Variants in WASHC4 observed in about 807,000 individuals in gnomAD.
WASHC4 encodes the protein WASH complex subunit 4.
In WASHC4, 86 loss-of-function variants were observed where a neutral mutation model predicts 166.6. The observed-to-expected ratio is 0.52, with a 90% CI of 0.43 to 0.62. WASHC4 has a LOEUF of 0.62. WASHC4 is among the 20% of genes least tolerant of loss of function. WASHC4 has a pLI of 0.00. For missense variants in WASHC4, 1,262 were observed against 1,382.4 expected, an observed-to-expected ratio of 0.91 and a Z score of 1.38; for synonymous variants, 446 against 451.6, an observed-to-expected ratio of 0.99 and a Z score of 0.16.
At chr12:105,157,174 ATC>A (rs1247916042) in intron 27 of WASHC4, 60 bp from the exon 28 acceptor site, 4 of 845,366 alleles carry the variant, frequency 4.7e-6, no homozygotes, top group Admixed American at 3.5e-5. Flanking sequence ...CCACTTTTAT[ATC>A]TGTGTCAATT....
chr12:105,111,281 TA>T lies in WASHC4; in HGVS notation c.201+22del. On this transcript the variant is annotated intron_variant, in intron 2 of 32. Transcript: ENST00000332180. ...GCATTAAAGGTTTGATTTGATTTTT[TA>T]AAAATATATGTATATATTTTCTGGA... 1 of 1,523,518 alleles carries T rather than the reference TA, an allele frequency of 6.6e-7. No homozygotes were observed. Among genetic ancestry groups the T allele is most frequent in the East Asian group, 2.3e-5 (1 of 43,796 alleles). The allele number at this position is 1,523,518 out of a possible 1,614,324, so 94.4% of individuals were successfully genotyped here.
chr12:105,130,079 A>G (rs548873796), intron 13 of WASHC4, among the ~76,000 whole-genome samples: 12 of 152,348 alleles, frequency 7.9e-5, no homozygotes, highest in African/African-American at 2.6e-4. Flanking sequence ...AACCCTACAG[A>G]GATTAAACTT....
chr12:105,160,774 T>A (rs1167400529), intron 29 of WASHC4, among the ~76,000 whole-genome samples: 1 of 152,238 alleles, frequency 6.6e-6, no homozygotes, highest in East Asian at 1.9e-4. Context: ...TTTAAGTGCT[T>A]AATGTAGAAT....
At chr12:105,149,406 A>T (rs138471012) in intron 24 of WASHC4, 37,727 of 1,075,854 alleles carry the variant, frequency 0.035, 803 homozygotes, top group Non-Finnish European at 0.039. Context: ...TAGTAAAAAT[A>T]TGTAAGAGGA....
intron 26 of WASHC4, 24 bp downstream of exon 26, chr12:105,152,475 G>A: frequency 1.6e-6 from 2 of 1,257,730 alleles, no homozygotes; most frequent in Non-Finnish European, 2.3e-6. Flanking sequence ...AAAGTGTTGG[G>A]AAATCAGGTA....
chr12:105,142,359 A>G, intron 18 of WASHC4, 94 bp from the exon 19 acceptor site: 1 of 768,556 alleles, frequency 1.3e-6, no homozygotes. Flanking sequence ...ACTGTGTAAG[A>G]TGGAACTCTT....
At chr12:105,128,570 G>A (rs1182621005) in intron 13 of WASHC4, among the ~76,000 whole-genome samples, 2 of 152,154 alleles carry the variant, frequency 1.3e-5, no homozygotes, top group African/African-American at 2.4e-5. Flanking sequence ...TCCAATACTG[G>A]AAACTTTTTG....
rs1880833855 is a variant in WASHC4 at position 105,122,293 on chromosome 12, T to C, written c.786+55T>C. 10 of 1,571,604 alleles carry C rather than the reference T, an allele frequency of 6.4e-6. No homozygotes were observed. The East Asian group carries it at 1.8e-4, about 28-fold the overall frequency. ...TGGGGCTCATATTAGACGACAAAGCTCAGAATTATAGTAGGACACTTTTAT... is the reference window on the plus strand; with the variant it reads ...TGGGGCTCATATTAGACGACAAAGCCCAGAATTATAGTAGGACACTTTTAT... On this transcript the variant is annotated intron_variant, in intron 10 of 32. Transcript: ENST00000332180.
chr12:105,163,682 T>G (rs1292084610), intron 30 of WASHC4, among the ~76,000 whole-genome samples: 6 of 152,008 alleles, frequency 3.9e-5, no homozygotes. Flanking sequence ...AAAAAATTTT[T>G]GTTTTTTTTA....
chr12:105,159,772 A>G (rs1309109762), intron 28 of WASHC4, among the ~76,000 whole-genome samples: 1 of 152,242 alleles, frequency 6.6e-6, no homozygotes, highest in East Asian at 1.9e-4. Context: ...TATTATTTTA[A>G]GTCCCAAGAT....
chr12:105,141,124 C>A, intron 17 of WASHC4, 43 bp from the exon 18 acceptor site: 1 of 1,609,392 alleles, frequency 6.2e-7, no homozygotes, highest in South Asian at 1.1e-5. Flanking sequence ...CCCTAGAAAC[C>A]TTTGACTGCA....
chr12:105,167,950 AGC>A lies in WASHC4; in HGVS notation c.*1020_*1021del, dbSNP rs1566035820. ...TTTTGAGTAAATTTTGTGCCCAGCA[AGC>A]TGTTAGTTTTATTTTTGTAAAGGTA... On this transcript the variant is annotated 3_prime_UTR_variant, in exon 33 of 33. Coordinates refer to ENST00000332180, the MANE Select transcript of WASHC4 (RefSeq NM_015275.3). The A allele has an allele frequency of 6.6e-6, 1 of 152,500 alleles. No individual in the cohort carries two copies. The highest frequency in any genetic ancestry group is 1.5e-5 in the Non-Finnish European group (1 of 67,974). The allele number at this position is 152,500 out of a possible 1,614,324, so 9.4% of individuals were successfully genotyped here. A position where few individuals can be genotyped will look rare whatever the true frequency, so the allele number is the denominator to read the frequency against.
At chr12:105,114,523 A>G (rs1879995027) in intron 4 of WASHC4, 96 bp downstream of exon 4, 2 of 831,374 alleles carry the variant, frequency 2.4e-6, no homozygotes, top group Non-Finnish European at 3.9e-6. Context: ...TATTTATTGA[A>G]TGTTGAATGA....
At chr12:105,141,996 T>C (rs113302096) in intron 18 of WASHC4, among the ~76,000 whole-genome samples, 28 of 133,760 alleles carry the variant, frequency 2.1e-4, no homozygotes, top group African/African-American at 6.9e-4. Flanking sequence ...GTGGGTTTTT[T>C]TTTGGGGCGG....
chr12:105,125,166 A>G (rs997355894), intron 10 of WASHC4, among the ~76,000 whole-genome samples: 2 of 152,130 alleles, frequency 1.3e-5, no homozygotes, highest in African/African-American at 4.8e-5. Context: ...ATTGATCTCA[A>G]CTCTTGTTTA....
intron 25 of WASHC4, among the ~76,000 whole-genome samples, chr12:105,151,721 C>G (rs1475658390): frequency 6.6e-6 from 1 of 152,182 alleles, no homozygotes; most frequent in Non-Finnish European, 1.5e-5. Flanking sequence ...ACCTAGTGAT[C>G]TGCCTGCCTC....
chr12:105,167,160 G>C lies in WASHC4; in HGVS notation c.*229G>C, dbSNP rs1884856852. 2.0e-6 allele frequency: 1 copy of C among 506,306 alleles called. No homozygotes were observed. Among genetic ancestry groups the C allele is most frequent in the Non-Finnish European group, 3.6e-6 (1 of 280,874 alleles). The allele number at this position is 506,306 out of a possible 1,614,324, so 31.4% of individuals were successfully genotyped here. A position where few individuals can be genotyped will look rare whatever the true frequency, so the allele number is the denominator to read the frequency against. Reference sequence around the variant, plus strand: ...AAATTGGATTTTTGCCTGGACTTGAGGGTACAAGATGTTTCTATTTGAAGT... The same window carrying C: ...AAATTGGATTTTTGCCTGGACTTGACGGTACAAGATGTTTCTATTTGAAGT... On this transcript the variant is annotated 3_prime_UTR_variant, in exon 33 of 33. Transcript: ENST00000332180.
At chr12:105,134,029 CTG>C in intron 14 of WASHC4, 133 bp downstream of exon 14, 2 of 766,374 alleles carry the variant, frequency 2.6e-6, no homozygotes, top group Non-Finnish European at 4.2e-6. Context: ...ATGTTGGGAT[CTG>C]TGTGACTTAT....
chr12:105,119,977 T>TCCC (rs1880571467), intron 7 of WASHC4, among the ~76,000 whole-genome samples: 1 of 152,152 alleles, frequency 6.6e-6, no homozygotes, highest in African/African-American at 2.4e-5. Context: ...ATGCCTGTAA[T>TCCC]CCCAGCTCTC....
Sources: allele counts gnomAD v4.1 joint callset (sites outside exome capture counted in the v4.1 genomes callset), GRCh38; gene constraint gnomAD v4.1.1; transcripts MANE v1.5; gene names NCBI Gene and HGNC (gene_info 2026-07-23, HGNC 2026-07-21).